RAPGEF1: variants seen among roughly 807,000 people sequenced by gnomAD.
RAPGEF1 encodes the protein Rap guanine nucleotide exchange factor 1.
In RAPGEF1, 33 loss-of-function variants were observed where a neutral mutation model predicts 143.3. That is an observed-to-expected ratio of 0.23 (90% CI 0.17 to 0.31). RAPGEF1 has a LOEUF of 0.31. Ranked by LOEUF, RAPGEF1 falls within the 10% of genes least tolerant of loss-of-function variation. The pLI, the probability that RAPGEF1 is intolerant of heterozygous loss-of-function variation, is 1.00. For missense variants in RAPGEF1, 1,199 were observed against 1,645.4 expected, an observed-to-expected ratio of 0.73 and a Z score of 4.69; for synonymous variants, 629 against 676.5, an observed-to-expected ratio of 0.93 and a Z score of 1.09.
Position 131,580,409 on chromosome 9 carries a change from G to T in RAPGEF1, c.3513-18C>A. 6.2e-7 allele frequency: 1 copy of T among 1,611,232 alleles called. No homozygotes were observed. Among genetic ancestry groups the T allele is most frequent in the Non-Finnish European group, 8.5e-7 (1 of 1,178,174 alleles). On this transcript the variant is annotated intron_variant, in intron 25 of 26. Transcript: ENST00000683357. ...TCAGCCCCCTGGGAGGACGGGTTAG[G>T]CAGCCTGTTACTGCTACGGGGTTTG...
In RAPGEF1 at chr9:131,667,147, G is replaced by A. The variant is rs533727111; in HGVS notation, c.62-16198C>T. On this transcript the variant is annotated intron_variant, in intron 1 of 26. Transcript: ENST00000683357. The surrounding 1 kb of genome is among the most constrained non-coding windows in gnomAD (Gnocchi z 4.6). ...TGGGATTACAGGTGCCTGCCACCAC[G>A]CCTGGCTAAGTTTTGTATTTTTAGT... Among the ~76,000 whole-genome samples the A allele has an allele frequency of 6.6e-5, 10 of 152,204 alleles. No individual in the cohort carries two copies. The highest frequency in any genetic ancestry group is 1.9e-4 in the East Asian group (1 of 5,170).
chr9:131,678,994 G>A (rs1832683384), intron 1 of RAPGEF1, among the ~76,000 whole-genome samples: 1 of 152,170 alleles, frequency 6.6e-6, no homozygotes, highest in Non-Finnish European at 1.5e-5. Flanking sequence ...AGGCCAGCAG[G>A]AGCAGGACAG....
chr9:131,655,349 TG>T lies in RAPGEF1; in HGVS notation c.62-4401del, dbSNP rs1276828337. Among the ~76,000 whole-genome samples, 1 of 152,240 alleles carries T rather than the reference TG, an allele frequency of 6.6e-6. No homozygotes were observed. The highest frequency in any genetic ancestry group is 1.5e-5 in the Non-Finnish European group (1 of 68,042). On this transcript the variant is annotated intron_variant, in intron 1 of 26. Coordinates refer to ENST00000683357, the MANE Select transcript of RAPGEF1 (RefSeq NM_001377935.1). The surrounding 1 kb of genome is among the most constrained non-coding windows in gnomAD (Gnocchi z 4.1). ...GGGACACAAGTCAACAGGAAGCTGCTGCACCTGGCTAGCTCACCTGGAACAG... is the reference window on the plus strand; with the variant it reads ...GGGACACAAGTCAACAGGAAGCTGCTCACCTGGCTAGCTCACCTGGAACAG...
rs552349853 is a variant in RAPGEF1, at chr9:131,624,507, C to T, written c.1702+1415G>A. Among the ~76,000 whole-genome samples, 3 of 152,310 alleles carry T rather than the reference C, an allele frequency of 2.0e-5. No homozygotes were observed. In the East Asian group the frequency reaches 5.8e-4, roughly 29 times the overall value. On this transcript the variant is annotated intron_variant, in intron 10 of 26. Coordinates refer to ENST00000683357, the MANE Select transcript of RAPGEF1 (RefSeq NM_001377935.1). ...CTCTATAGACCCTGCATGAGGACCG[C>T]CACCCACACTTGTTCTAGGAGCTGG...
intron 12 of RAPGEF1, among the ~76,000 whole-genome samples, chr9:131,614,729 A>G (rs989253043): frequency 9.2e-5 from 14 of 152,252 alleles, no homozygotes; most frequent in African/African-American, 3.4e-4. Flanking sequence ...GGCCCATCTC[A>G]GAAAACGACT....
intron 5 of RAPGEF1, among the ~76,000 whole-genome samples, chr9:131,634,520 C>T (rs1487164958): frequency 1.3e-5 from 2 of 151,826 alleles, no homozygotes; most frequent in African/African-American, 4.8e-5. Context: ...CAAGACCAGC[C>T]TGGCCAACAT....
chr9:131,686,500 C>T (rs1277584953), intron 1 of RAPGEF1, among the ~76,000 whole-genome samples: 1 of 152,206 alleles, frequency 6.6e-6, no homozygotes, highest in Non-Finnish European at 1.5e-5. Flanking sequence ...TGGGCAGCCA[C>T]ACAAGGAGCT....
At chr9:131,687,205 T>C (rs943551372) in intron 1 of RAPGEF1, among the ~76,000 whole-genome samples, 3 of 152,200 alleles carry the variant, frequency 2.0e-5, no homozygotes, top group Non-Finnish European at 2.9e-5. Flanking sequence ...TTGTTTTATT[T>C]TTAAAAACAG....
At chr9:131,607,213 A>T (rs1008664213) in intron 12 of RAPGEF1, among the ~76,000 whole-genome samples, 3 of 152,190 alleles carry the variant, frequency 2.0e-5, no homozygotes, top group African/African-American at 7.2e-5. Context: ...AGTGTCATAC[A>T]TGTGACCAGC....
chr9:131,588,094 C>T lies in RAPGEF1; in HGVS notation c.3054-68G>A, dbSNP rs566126482. ...GCCGGTGGGGAGGGCTGAGCAGGCC[C>T]GGGCTGCGGGCGTCAGAGCAGGAGA... On this transcript the variant is annotated intron_variant, in intron 20 of 26. Transcript: ENST00000683357. The T allele has an allele frequency of 1.3e-4, 169 of 1,320,494 alleles. No homozygotes were observed. In the African/African-American group the frequency reaches 1.6e-3, roughly 13 times the overall value. 81.8% of individuals were successfully genotyped at this position (1,320,494 alleles called of 1,614,324 possible). A position where few individuals can be genotyped will look rare whatever the true frequency, so the allele number is the denominator to read the frequency against.
chr9:131,733,909 A>C (rs1013215936), intron 1 of RAPGEF1, among the ~76,000 whole-genome samples: 2 of 152,220 alleles, frequency 1.3e-5, no homozygotes, highest in Non-Finnish European at 2.9e-5. Context: ...TCCCATTCAA[A>C]CCGCCTCTGC....
chr9:131,700,020 C>T (rs1013385610), intron 1 of RAPGEF1, among the ~76,000 whole-genome samples: 7 of 152,182 alleles, frequency 4.6e-5, no homozygotes, highest in Non-Finnish European at 1.0e-4. Flanking sequence ...CCCACACAGC[C>T]CCAATCATCC....
chr9:131,736,702 T>C (rs1184750324), intron 1 of RAPGEF1, among the ~76,000 whole-genome samples: 2 of 152,100 alleles, frequency 1.3e-5, no homozygotes, highest in Admixed American at 6.5e-5. Flanking sequence ...GGGTTTCCTG[T>C]TTACCCAAAA....
chr9:131,598,795 C>T (rs972649243), intron 15 of RAPGEF1, among the ~76,000 whole-genome samples: 2 of 151,396 alleles, frequency 1.3e-5, no homozygotes, highest in Non-Finnish European at 2.9e-5. Context: ...CCTGAGGGTT[C>T]AGTCGAGCAG....
In RAPGEF1 at chr9:131,622,008, A is replaced by G. The variant is rs1961224283; in HGVS notation, c.1703-10T>C. ...TGCATGTAGGCCAGCACTGTGAAAC[A>G]AGGGAGAAAGCTGCAGCGAGGCCGG... On this transcript the variant is annotated splice_polypyrimidine_tract_variant and intron_variant, in intron 10 of 26. Transcript: ENST00000683357. 1.2e-6 allele frequency: 2 copies of G among 1,611,142 alleles called. No individual in the cohort carries two copies. Among genetic ancestry groups the G allele is most frequent in the African/African-American group, 2.7e-5 (2 of 74,942 alleles).
At chr9:131,630,149 G>A (rs1278090580) in intron 6 of RAPGEF1, 87 bp downstream of exon 6, 2 of 1,214,938 alleles carry the variant, frequency 1.6e-6, no homozygotes, top group Admixed American at 1.8e-5. Context: ...CCCTCATGCT[G>A]CCCACCCCAC....
In RAPGEF1 at chr9:131,675,541, G is replaced by A. The variant is rs1832193213; in HGVS notation, c.62-24592C>T. Among the ~76,000 whole-genome samples the A allele has an allele frequency of 6.6e-6, 1 of 152,264 alleles. No individual in the cohort carries two copies. The highest frequency in any genetic ancestry group is 1.5e-5 in the Non-Finnish European group (1 of 68,046). Reference sequence around the variant, plus strand: ...TTCCACTAAGAGACGAATTACCAATGTACTGGTGGTCCTGATGTCTAGATA... The same window carrying A: ...TTCCACTAAGAGACGAATTACCAATATACTGGTGGTCCTGATGTCTAGATA... On this transcript the variant is annotated intron_variant, in intron 1 of 26. Transcript: ENST00000683357. This position sits in a 1 kb window ranked among gnomAD's most constrained non-coding sequence, Gnocchi z 4.6.
At position 131,602,181 on chromosome 9, in the gene RAPGEF1, C is replaced by T. The variant is rs528649619; in HGVS notation, c.2413-32G>A. On this transcript the variant is annotated intron_variant, in intron 14 of 26. Transcript: ENST00000683357. ...AGAGGAGTGGGTGCTGAGTTCTGGA[C>T]AGGGGCCCTCTGCGGGGCTGCTCTG... 2.6e-5 allele frequency: 40 copies of T among 1,521,054 alleles called. No homozygotes were observed. In the South Asian group the frequency reaches 4.4e-4, roughly 17 times the overall value. The allele number at this position is 1,521,054 out of a possible 1,614,324, so 94.2% of individuals were successfully genotyped here.
intron 18 of RAPGEF1, 92 bp from the exon 19 acceptor site, chr9:131,590,070 A>C: frequency 8.9e-7 from 1 of 1,118,170 alleles, no homozygotes; most frequent in Non-Finnish European, 1.3e-6. Context: ...GAGCGCTCAC[A>C]ATGTGCCCAT....
Sources: gnomAD v4.1 joint callset for allele counts (sites outside exome capture counted in the v4.1 genomes callset) on GRCh38, gnomAD v4.1.1 for gene constraint, Gnocchi (gnomAD v3.1) non-coding constraint, MANE v1.5 for transcripts, NCBI Gene and HGNC (gene_info 2026-07-23, HGNC 2026-07-21) for gene names.